NPC1L1: variants seen among roughly 807,000 people sequenced by gnomAD.
NPC1L1 encodes the protein NPC1-like intracellular cholesterol transporter 1.
Under a neutral mutation model 117.0 loss-of-function variants are expected in NPC1L1, and 98 were observed. That is an observed-to-expected ratio of 0.84 (90% CI 0.71 to 0.99). NPC1L1 has a LOEUF of 0.99. Among genes scored for constraint, NPC1L1 ranks in the 50% least tolerant of loss-of-function variants. NPC1L1 has a pLI of 0.00. For missense variants in NPC1L1, 1,540 were observed against 1,710.0 expected, an observed-to-expected ratio of 0.90 and a Z score of 1.75; for synonymous variants, 729 against 727.6, an observed-to-expected ratio of 1.00 and a Z score of -0.03.
At chr7:44,519,485 C>T (rs1801287563) in intron 14 of NPC1L1, among the ~76,000 whole-genome samples, 1 of 152,172 alleles carries the variant, frequency 6.6e-6, no homozygotes, top group Non-Finnish European at 1.5e-5. Flanking sequence ...GGGTGCATTG[C>T]CCTTCTGGAA....
In NPC1L1 at chr7:44,520,976, G is replaced by T. The variant is rs543184327; in HGVS notation, c.3080+16C>A. On this transcript the variant is annotated intron_variant, in intron 13 of 18. Coordinates refer to ENST00000381160, the MANE Select transcript of NPC1L1 (RefSeq NM_001101648.2). ...ACATGTCTGTCCTCCCCAGCAGAAGGCCCTCCCAAGCTTACCCTTTGGGAC... is the reference window on the plus strand; with the variant it reads ...ACATGTCTGTCCTCCCCAGCAGAAGTCCCTCCCAAGCTTACCCTTTGGGAC... 1.4e-5 allele frequency: 23 copies of T among 1,614,102 alleles called. No individual in the cohort carries two copies. The Admixed American group carries it at 1.8e-4, about 13-fold the overall frequency.
chr7:44,517,378 G>A, intron 14 of NPC1L1, 21 bp from the exon 15 acceptor site: 1 of 1,607,722 alleles, frequency 6.2e-7, no homozygotes, highest in Non-Finnish European at 8.5e-7. Flanking sequence ...ATGGCACACA[G>A]AAGATGGAAG....
intron 14 of NPC1L1, among the ~76,000 whole-genome samples, chr7:44,520,267 G>A (rs1216741746): frequency 6.6e-6 from 1 of 151,766 alleles, no homozygotes; most frequent in African/African-American, 2.4e-5. Flanking sequence ...GCAACAAAGC[G>A]AGACTCCGTC....
Position 44,539,410 on chromosome 7 carries a change from G to A in NPC1L1, c.987C>T (p.Leu329=), listed in dbSNP as rs377075299. 12 of 1,614,116 alleles carry A rather than the reference G, an allele frequency of 7.4e-6. No individual in the cohort carries two copies. In the Admixed American group the frequency reaches 8.3e-5, roughly 11 times the overall value. The change falls in exon 2 of 19, where the codon CTC becomes CTT. Residue 329 remains leucine (L), a synonymous_variant. Transcript: ENST00000381160. The surrounding 1 kb of genome is among the most constrained non-coding windows in gnomAD (Gnocchi z 4.4). ...CAAGGAGGGTGTGGGTGGAGAAGCT[G>A]AGCTTGTCAGAGAGGCTGGTGCCCT... The part of the protein sequence containing the change: ...PKKGTSLSDK[L]SFSTHTLLGQ...
At position 44,536,537 on chromosome 7, in the gene NPC1L1, C is replaced by A. The variant is rs1376863522; in HGVS notation, c.1682-109G>T. 2.4e-6 allele frequency: 3 copies of A among 1,227,986 alleles called. No individual in the cohort carries two copies. Among genetic ancestry groups the A allele is most frequent in the African/African-American group, 3.0e-5 (2 of 67,708 alleles). 76.1% of individuals were successfully genotyped at this position (1,227,986 alleles called of 1,614,324 possible). On this transcript the variant is annotated intron_variant, in intron 3 of 18. Transcript: ENST00000381160. This position sits in a 1 kb window ranked among gnomAD's most constrained non-coding sequence, Gnocchi z 4.7. ...ATCTAGCTGCACCCCTCCCATCACC[C>A]CTTGCTCCTTCTCCCCCACTCCTTC...
chr7:44,539,150 T>C lies in NPC1L1; in HGVS notation c.1247A>G (p.Asn416Ser), dbSNP rs751610054. Residue 416 changes from asparagine to serine, a missense_variant, in exon 2 of 19, where the codon AAC becomes AGC. This residue lies in a region of NPC1L1 where 793 missense variants were observed against 820.4 expected (regional missense o/e 0.97). Coordinates refer to ENST00000381160, the MANE Select transcript of NPC1L1 (RefSeq NM_001101648.2). The surrounding 1 kb of genome is among the most constrained non-coding windows in gnomAD (Gnocchi z 4.4). ...AGAGTCATACCTGTAGCTGGACCGG[T>C]TAGGAGCCGTCAGGATCACCTGGTT... is the stretch of plus-strand genomic sequence containing the variant. The part of the protein sequence containing the change: ...RTNQVILTAP[N>S]RSSYRYDSLL... 6.2e-7 allele frequency: 1 copy of C among 1,614,034 alleles called. No homozygotes were observed. The highest frequency in any genetic ancestry group is 8.5e-7 in the Non-Finnish European group (1 of 1,180,014).
In NPC1L1 at chr7:44,536,975, T is replaced by C. The variant is rs1163784022; in HGVS notation, c.1581-33A>G. 4 of 1,582,836 alleles carry C rather than the reference T, an allele frequency of 2.5e-6. No homozygotes were observed. In the African/African-American group the frequency reaches 5.4e-5, roughly 21 times the overall value. On this transcript the variant is annotated intron_variant, in intron 2 of 18. Coordinates refer to ENST00000381160, the MANE Select transcript of NPC1L1 (RefSeq NM_001101648.2). This position sits in a 1 kb window ranked among gnomAD's most constrained non-coding sequence, Gnocchi z 4.7. ...GAGATGACCGCAAAGGGAAAGGGCC[T>C]TTCCTGGCCCTGCCCAGTCCCTATG...
chr7:44,539,870 C>T lies in NPC1L1; in HGVS notation c.527G>A (p.Arg176His), dbSNP rs758548716. 26 of 1,613,954 alleles carry T rather than the reference C, an allele frequency of 1.6e-5. No homozygotes were observed. Among genetic ancestry groups the T allele is most frequent in the Non-Finnish European group, 2.0e-5 (24 of 1,180,048 alleles). ...AGCCAGCGTGGCAGCTGCAGGGACG[C>T]GCACACGGCTGCAGGAGTCATAGCT... ...EQSYDSCSRVRVPAAATLAVG... is the reference protein window; with the variant it reads ...EQSYDSCSRVHVPAAATLAVG... Residue 176 changes from arginine to histidine, a missense_variant, in exon 2 of 19, where the codon CGC (arginine) becomes CAC (histidine). Physicochemically the swap from Arg to His is conservative, Grantham distance 29 (BLOSUM62 0). Transcript: ENST00000381160. The surrounding 1 kb of genome is among the most constrained non-coding windows in gnomAD (Gnocchi z 4.4).
intron 10 of NPC1L1, among the ~76,000 whole-genome samples, chr7:44,530,987 T>A (rs1801680251): frequency 6.6e-6 from 1 of 152,174 alleles, no homozygotes; most frequent in South Asian, 2.1e-4. Flanking sequence ...CAAACCTCCA[T>A]CACAGTTCCC....
chr7:44,520,781 T>C lies in NPC1L1; in HGVS notation c.3120A>G (p.Ser1040=). The change falls in exon 14 of 19, where the codon TCA becomes TCG. Residue 1040 remains serine (S), a synonymous_variant. Coordinates refer to ENST00000381160, the MANE Select transcript of NPC1L1 (RefSeq NM_001101648.2). Reference sequence around the variant, plus strand: ...CATGCTTACCTAAAACCTGGCCATCTGAAGTCAAGTTCACAGAGGTGCTGT... The same window carrying C: ...CATGCTTACCTAAAACCTGGCCATCCGAAGTCAAGTTCACAGAGGTGCTGT... ...AAYSTSVNLT[S]DGQVLASRFM... 6.2e-7 allele frequency: 1 copy of C among 1,614,124 alleles called. No homozygotes were observed. The highest frequency in any genetic ancestry group is 8.5e-7 in the Non-Finnish European group (1 of 1,180,002).
At position 44,521,658 on chromosome 7, in the gene NPC1L1, C is replaced by T. The variant is rs1457076817; in HGVS notation, c.2953+54G>A. 6.2e-6 allele frequency: 10 copies of T among 1,613,146 alleles called. No homozygotes were observed. In the East Asian group the frequency reaches 1.1e-4, roughly 18 times the overall value. On this transcript the variant is annotated intron_variant, in intron 12 of 18. Coordinates refer to ENST00000381160, the MANE Select transcript of NPC1L1 (RefSeq NM_001101648.2). Reference sequence around the variant, plus strand: ...CTCTCCAGTCCTCTCCTTTCTGTTGCCTCAGTTTGCCCGAGCTGTGGTGGA... The same window carrying T: ...CTCTCCAGTCCTCTCCTTTCTGTTGTCTCAGTTTGCCCGAGCTGTGGTGGA...
intron 18 of NPC1L1, 102 bp from the exon 19 acceptor site, chr7:44,513,751 A>AG (rs1169958263): frequency 5.4e-6 from 7 of 1,293,590 alleles, no homozygotes; most frequent in Admixed American, 1.9e-5. Context: ...GAAGGGTCCC[A>AG]GGGGGGATCT....
rs1181629807 is a variant in NPC1L1, at chr7:44,539,141, C to G, written c.1256G>C (p.Ser419Thr). ...QVILTAPNRS[S>T]YRYDSLLLGP... is the part of the protein sequence containing the mutation. ...CAGCAGCAGAGAGTCATACCTGTAGCTGGACCGGTTAGGAGCCGTCAGGAT... is the reference window on the plus strand; with the variant it reads ...CAGCAGCAGAGAGTCATACCTGTAGGTGGACCGGTTAGGAGCCGTCAGGAT... The change falls in exon 2 of 19, where the codon AGC (serine) becomes ACC (threonine). Residue 419 changes from serine (S) to threonine (T), a missense_variant. Transcript: ENST00000381160. This position sits in a 1 kb window ranked among gnomAD's most constrained non-coding sequence, Gnocchi z 4.4. 6.2e-7 allele frequency: 1 copy of G among 1,614,124 alleles called. No homozygotes were observed. The highest frequency in any genetic ancestry group is 8.5e-7 in the Non-Finnish European group (1 of 1,180,032).
At position 44,521,811 on chromosome 7, in the gene NPC1L1, A is replaced by C. The variant is rs757201495; in HGVS notation, c.2854T>G (p.Ser952Ala). The change falls in exon 12 of 19, where the codon TCC (serine) becomes GCC (alanine). Residue 952 changes from serine (S) to alanine (A), a missense_variant. Transcript: ENST00000381160. ...EQSYLAIPASSWVDDFIDWLT... is the reference protein window; with the variant it reads ...EQSYLAIPASAWVDDFIDWLT... The stretch of plus-strand genomic sequence containing the variant: ...CAGTCAATGAAGTCATCCACCCAGG[A>C]GGAGGCAGGGATGGCCAGGTAAGAC... 1 of 1,614,166 alleles carries C rather than the reference A, an allele frequency of 6.2e-7. No individual in the cohort carries two copies. The highest frequency in any genetic ancestry group is 8.5e-7 in the Non-Finnish European group (1 of 1,180,016).
rs1272230266 is a variant in NPC1L1 at position 44,539,510 on chromosome 7, G to A, written c.887C>T (p.Ala296Val). Residue 296 changes from alanine to valine, a missense_variant, in exon 2 of 19, where the codon GCT becomes GTT. Ala to Val is a moderately conservative substitution (Grantham distance 64). Coordinates refer to ENST00000381160, the MANE Select transcript of NPC1L1 (RefSeq NM_001101648.2). The surrounding 1 kb of genome is among the most constrained non-coding windows in gnomAD (Gnocchi z 4.4). ...VLIIILCSVFAVVTILLVGFR... is the reference protein window; with the variant it reads ...VLIIILCSVFVVVTILLVGFR... Reference sequence around the variant, plus strand: ...TCCCACAAGCAGGATGGTGACCACAGCGAAGACAGAGCAGAGGATGATGAT... The same window carrying A: ...TCCCACAAGCAGGATGGTGACCACAACGAAGACAGAGCAGAGGATGATGAT... 1 of 1,613,640 alleles carries A rather than the reference G, an allele frequency of 6.2e-7. No homozygotes were observed. Among genetic ancestry groups the A allele is most frequent in the Admixed American group, 1.7e-5 (1 of 60,020 alleles).
Position 44,539,728 on chromosome 7 carries a change from C to T in NPC1L1, c.669G>A (p.Leu223=). The T allele has an allele frequency of 6.2e-7, 1 of 1,614,134 alleles. No homozygotes were observed. Among genetic ancestry groups the T allele is most frequent in the Non-Finnish European group, 8.5e-7 (1 of 1,180,024 alleles). ...LAPLDITFHL[L]EPGQAVGSGI... is the part of the protein sequence containing the mutation. Reference sequence around the variant, plus strand: ...CACTCCCCACGGCCTGGCCAGGCTCCAAGAGGTGGAAGGTGATGTCCAGTG... The same window carrying T: ...CACTCCCCACGGCCTGGCCAGGCTCTAAGAGGTGGAAGGTGATGTCCAGTG... Residue 223 remains leucine (L), a synonymous_variant, in exon 2 of 19, where the codon TTG becomes TTA. Coordinates refer to ENST00000381160, the MANE Select transcript of NPC1L1 (RefSeq NM_001101648.2). The surrounding 1 kb of genome is among the most constrained non-coding windows in gnomAD (Gnocchi z 4.4).
Position 44,534,005 on chromosome 7 carries a change from T to C in NPC1L1, c.2167-152A>G, listed in dbSNP as rs1192249528. Reference sequence around the variant, plus strand: ...TCATCAGAGACTCTCATACTCTCCATGGCCAATATTCTTCTTCCAGGGTCT... The same window carrying C: ...TCATCAGAGACTCTCATACTCTCCACGGCCAATATTCTTCTTCCAGGGTCT... On this transcript the variant is annotated intron_variant, in intron 6 of 18. Transcript: ENST00000381160. The surrounding 1 kb of genome is among the most constrained non-coding windows in gnomAD (Gnocchi z 5.2). 31 of 686,272 alleles carry C rather than the reference T, an allele frequency of 4.5e-5. 1 individual carries two copies. In the Admixed American group the frequency reaches 5.7e-4, roughly 13 times the overall value. 42.5% of individuals were successfully genotyped at this position (686,272 alleles called of 1,614,324 possible). A position where few individuals can be genotyped will look rare whatever the true frequency, so the allele number is the denominator to read the frequency against.
At chr7:44,521,902 C>T in intron 11 of NPC1L1, 66 bp from the exon 12 acceptor site, 1 of 1,610,192 alleles carries the variant, frequency 6.2e-7, no homozygotes, top group East Asian at 2.2e-5. Flanking sequence ...CTTCTCGTGG[C>T]CCAACCCCCA....
In NPC1L1 at chr7:44,522,203, A is replaced by G; in HGVS notation, c.2677T>C (p.Tyr893His). 1 of 1,613,890 alleles carries G rather than the reference A, an allele frequency of 6.2e-7. No individual in the cohort carries two copies. Residue 893 changes from tyrosine to histidine, a missense_variant, in exon 11 of 19, where the codon TAC becomes CAC. Coordinates refer to ENST00000381160, the MANE Select transcript of NPC1L1 (RefSeq NM_001101648.2). Reference protein sequence around the residue: ...LLDYFLFLNRYFEVGAPVYFV... With the variant: ...LLDYFLFLNRHFEVGAPVYFV... ...TACACCGGGGCCCCCACCTCGAAGT[A>G]GCGGTTCAGAAAGAGGAAATAGTCA...
Sources: gnomAD v4.1 joint callset for allele counts (sites outside exome capture counted in the v4.1 genomes callset) on GRCh38, gnomAD v4.1.1 for gene constraint, gnomAD v4.1.1 regional missense constraint, Gnocchi (gnomAD v3.1) non-coding constraint, MANE v1.5 for transcripts, NCBI Gene and HGNC (gene_info 2026-07-23, HGNC 2026-07-21) for gene names.